Variants in PAQR8 observed in about 807,000 individuals in gnomAD.
PAQR8 encodes the protein progestin and adipoQ receptor family member 8.
A neutral mutation model predicts 25.2 loss-of-function variants in PAQR8; 17 were observed. The ratio of observed to expected loss-of-function variants is 0.67; its 90% confidence interval spans 0.46 to 1.01. The LOEUF (loss-of-function observed/expected upper bound fraction) is 1.01, where lower values mean the gene tolerates loss of function less well. Among genes scored for constraint, PAQR8 ranks in the 50% least tolerant of loss-of-function variants. The probability of loss-of-function intolerance (pLI) is 0.00; values close to 1 mark genes in which losing one functional copy is unlikely to be tolerated. For missense variants in PAQR8, 392 were observed against 448.4 expected, an observed-to-expected ratio of 0.87 and a Z score of 1.14; for synonymous variants, 204 against 190.6, an observed-to-expected ratio of 1.07 and a Z score of -0.58.
At chr6:52,379,346 A>G (rs1243219155) in intron 1 of PAQR8, among the ~76,000 whole-genome samples, 1 of 152,176 alleles carries the variant, frequency 6.6e-6, no homozygotes, top group African/African-American at 2.4e-5. Flanking sequence ...GTTTTGCAAG[A>G]TGAAAAGAGT....
At chr6:52,368,848 G>A (rs548752141) in intron 1 of PAQR8, among the ~76,000 whole-genome samples, 15 of 152,116 alleles carry the variant, frequency 9.9e-5, no homozygotes, top group African/African-American at 3.6e-4. Context: ...TAATCCCCAC[G>A]TGTCAAGGGC....
intron 1 of PAQR8, among the ~76,000 whole-genome samples, chr6:52,401,285 ACTTGCTGTATGTG>A (rs919861187): frequency 3.9e-5 from 6 of 152,164 alleles, no homozygotes; most frequent in Middle Eastern, 3.2e-3. Context: ...GTGCTCCAGT[ACTTGCTGTATGTG>A]CTTGCTGTAT....
At chr6:52,381,025 A>G (rs1056124146) in intron 1 of PAQR8, among the ~76,000 whole-genome samples, 3 of 152,238 alleles carry the variant, frequency 2.0e-5, no homozygotes, top group African/African-American at 7.2e-5. Flanking sequence ...ACTTTGGAAC[A>G]GGAAAAAATC....
intron 1 of PAQR8, among the ~76,000 whole-genome samples, chr6:52,380,965 C>T (rs1203211239): frequency 6.6e-6 from 1 of 152,188 alleles, no homozygotes. Flanking sequence ...AATTTCTTAA[C>T]CTCATTTTTC....
Position 52,385,359 on chromosome 6 carries a change from T to C in PAQR8, c.-52-17803T>C, listed in dbSNP as rs555413997. ...TGGAACTGTGAGTCAGTTAAACCTC[T>C]TTACTTTATAAATTACCTAGTCTCA... On this transcript the variant is annotated intron_variant, in intron 1 of 1. Coordinates refer to ENST00000442253, the MANE Select transcript of PAQR8 (RefSeq NM_133367.5). Among the ~76,000 whole-genome samples, 14 of 152,344 alleles carry C rather than the reference T, an allele frequency of 9.2e-5. No individual in the cohort carries two copies. In the South Asian group the frequency reaches 2.9e-3, roughly 32 times the overall value.
chr6:52,403,361 T>A lies in PAQR8; in HGVS notation c.148T>A (p.Tyr50Asn), dbSNP rs369229031. 2 of 1,614,238 alleles carry A rather than the reference T, an allele frequency of 1.2e-6. No individual in the cohort carries two copies. The highest frequency in any genetic ancestry group is 1.7e-6 in the Non-Finnish European group (2 of 1,180,042). Reference protein sequence around the residue: ...TDVPQLFREPYIRTGYRPTGH... With the variant: ...TDVPQLFREPNIRTGYRPTGH... ...TGTGCCCCAGCTCTTCCGGGAGCCT[T>A]ACATCCGCACCGGCTACCGCCCCAC... The change falls in exon 2 of 2, where the codon TAC becomes AAC. Residue 50 changes from tyrosine (Y) to asparagine (N), a missense_variant. By Grantham distance (143) the Tyr-to-Asn change is moderately radical. Transcript: ENST00000442253.
chr6:52,404,299 T>A lies in PAQR8; in HGVS notation c.*21T>A, dbSNP rs753676972. 1 of 1,549,136 alleles carries A rather than the reference T, an allele frequency of 6.5e-7. No individual in the cohort carries two copies. Among genetic ancestry groups the A allele is most frequent in the South Asian group, 1.2e-5 (1 of 84,780 alleles). ...CCTGAGGCTGGCAAGTGGGGCAACGTGTGGAGGAAGCCCCTCATAATTTGG... is the reference window on the plus strand; with the variant it reads ...CCTGAGGCTGGCAAGTGGGGCAACGAGTGGAGGAAGCCCCTCATAATTTGG... On this transcript the variant is annotated 3_prime_UTR_variant, in exon 2 of 2. Transcript: ENST00000442253.
At position 52,379,619 on chromosome 6, in the gene PAQR8, C is replaced by CTTTTTTTTTTTT. The variant is rs909812638; in HGVS notation, c.-53+17384_-53+17395dup. ...GGTGCGTACCGCCACACCCAGCTTT[C>CTTTTTTTTTTTT]TTTTTTTTTTTTTTTTTTTTTTTTT... On this transcript the variant is annotated intron_variant, in intron 1 of 1. Transcript: ENST00000442253. Among the ~76,000 whole-genome samples, 39 of 77,228 alleles carry CTTTTTTTTTTTT rather than the reference C, an allele frequency of 5.0e-4. 3 individuals are homozygous for CTTTTTTTTTTTT. Among genetic ancestry groups the CTTTTTTTTTTTT allele is most frequent in the East Asian group, 2.7e-3 (6 of 2,260 alleles). The allele number at this position is 77,228 out of a possible 152,430, so 50.7% of individuals were successfully genotyped here. A position where few individuals can be genotyped will look rare whatever the true frequency, so the allele number is the denominator to read the frequency against.
At chr6:52,391,561 C>T (rs2113946715) in intron 1 of PAQR8, among the ~76,000 whole-genome samples, 1 of 152,258 alleles carries the variant, frequency 6.6e-6, no homozygotes, top group Non-Finnish European at 1.5e-5. Context: ...GTGATATGCT[C>T]CTTGGAAGAT....
At chr6:52,380,405 A>T (rs553286992) in intron 1 of PAQR8, among the ~76,000 whole-genome samples, 43 of 152,370 alleles carry the variant, frequency 2.8e-4, no homozygotes, top group African/African-American at 6.3e-4. Context: ...ATTTCAACTC[A>T]TTTGGAAAAA....
Position 52,403,511 on chromosome 6 carries a change from G to A in PAQR8, c.298G>A (p.Glu100Lys), listed in dbSNP as rs557133536. The change falls in exon 2 of 2, where the codon GAG becomes AAG. Residue 100 changes from glutamate (E) to lysine (K), a missense_variant. Coordinates refer to ENST00000442253, the MANE Select transcript of PAQR8 (RefSeq NM_133367.5). Reference protein sequence around the residue: ...LLRFWAFAEAEALPWASTHSL... With the variant: ...LLRFWAFAEAKALPWASTHSL... ...GCGATTCTGGGCCTTTGCCGAGGCT[G>A]AGGCCTTGCCATGGGCGTCTACCCA... 1.9e-6 allele frequency: 3 copies of A among 1,614,048 alleles called. No individual in the cohort carries two copies. In the Admixed American group the frequency reaches 5.0e-5, roughly 27 times the overall value.
At chr6:52,399,576 T>C (rs1299782497) in intron 1 of PAQR8, among the ~76,000 whole-genome samples, 4 of 152,192 alleles carry the variant, frequency 2.6e-5, no homozygotes. Flanking sequence ...ATCGTCTGAT[T>C]GGTTTGGGTT....
chr6:52,372,559 A>T (rs534573060), intron 1 of PAQR8, among the ~76,000 whole-genome samples: 1 of 152,064 alleles, frequency 6.6e-6, no homozygotes, highest in Non-Finnish European at 1.5e-5. Context: ...ATTACATTTA[A>T]TGAGCACATG....
At chr6:52,398,204 C>CTTTTTTTTTTTTT (rs869285681) in intron 1 of PAQR8, among the ~76,000 whole-genome samples, 8 of 85,810 alleles carry the variant, frequency 9.3e-5, no homozygotes, top group Non-Finnish European at 1.0e-4. Context: ...TTTCTTTTTT[C>CTTTTTTTTTTTTT]TTTTTTTTTT....
intron 1 of PAQR8, 149 bp from the exon 2 acceptor site, chr6:52,403,013 A>G (rs1370078333): frequency 5.2e-6 from 3 of 573,164 alleles, no homozygotes; most frequent in Middle Eastern, 4.6e-4. Context: ...AGAGGTTGCA[A>G]TGAGCTGTGA....
intron 1 of PAQR8, among the ~76,000 whole-genome samples, chr6:52,398,774 G>A (rs77795210): frequency 0.042 from 6,351 of 151,932 alleles, 211 homozygotes; most frequent in East Asian, 0.14. Flanking sequence ...GGGTGGTCCC[G>A]AACTCCTGAC....
intron 1 of PAQR8, among the ~76,000 whole-genome samples, chr6:52,374,611 C>G (rs908726695): frequency 1.3e-5 from 2 of 152,126 alleles, no homozygotes; most frequent in African/African-American, 4.8e-5. Flanking sequence ...TGTTGGTGCC[C>G]AGGTTGGTCT....
At chr6:52,380,887 C>G (rs1763550990) in intron 1 of PAQR8, among the ~76,000 whole-genome samples, 1 of 152,202 alleles carries the variant, frequency 6.6e-6, no homozygotes. Flanking sequence ...TAAGCCAATA[C>G]TTTGTACTCA....
chr6:52,367,036 GC>G (rs1420457270), intron 1 of PAQR8, among the ~76,000 whole-genome samples: 1 of 152,184 alleles, frequency 6.6e-6, no homozygotes, highest in Non-Finnish European at 1.5e-5. Context: ...AAACCACTGT[GC>G]CCAGCCTGGA....
Sources: allele counts gnomAD v4.1 joint callset (sites outside exome capture counted in the v4.1 genomes callset), GRCh38; gene constraint gnomAD v4.1.1; transcripts MANE v1.5; gene names NCBI Gene and HGNC (gene_info 2026-07-23, HGNC 2026-07-21).